Variants in FSTL5 observed in about 807,000 individuals in gnomAD.
FSTL5 encodes the protein follistatin like 5, also known as follistatin-related protein 5.
In FSTL5, 62 loss-of-function variants were observed where a neutral mutation model predicts 89.1. The observed-to-expected ratio is 0.70, with a 90% CI of 0.57 to 0.86. The LOEUF (loss-of-function observed/expected upper bound fraction) is 0.86. FSTL5 is among the 40% of genes least tolerant of loss of function. FSTL5 has a pLI of 0.00. For missense variants in FSTL5, 1,057 were observed against 1,001.6 expected (o/e 1.06, Z -0.75); for synonymous variants, 383 against 346.2 (o/e 1.11, Z -1.18).
intron 1 of FSTL5, among the ~76,000 whole-genome samples, chr4:162,142,675 T>G (rs374878922): frequency 6.6e-6 from 1 of 152,250 alleles, no homozygotes; most frequent in East Asian, 1.9e-4. Context: ...GCAATGCCTT[T>G]GAGTAGCTAA....
chr4:161,561,920 T>G (rs778699246), intron 8 of FSTL5, among the ~76,000 whole-genome samples: 38 of 152,012 alleles, frequency 2.5e-4, no homozygotes, highest in Non-Finnish European at 1.9e-4. Context: ...AAGGCACGTG[T>G]TGTAGGTGTG....
chr4:161,446,047 C>G (rs895596297), intron 15 of FSTL5, among the ~76,000 whole-genome samples: 2 of 151,902 alleles, frequency 1.3e-5, no homozygotes, highest in Non-Finnish European at 2.9e-5. Flanking sequence ...TGGATAGCTA[C>G]AGTGAAGATA....
chr4:161,735,526 A>T (rs914544752), intron 6 of FSTL5, among the ~76,000 whole-genome samples: 2 of 152,194 alleles, frequency 1.3e-5, no homozygotes, highest in East Asian at 1.9e-4. Context: ...CCATGAGGTT[A>T]TCCTGTTTTC....
intron 15 of FSTL5, among the ~76,000 whole-genome samples, chr4:161,403,731 T>C (rs1731263512): frequency 6.6e-6 from 1 of 152,208 alleles, no homozygotes; most frequent in African/African-American, 2.4e-5. Flanking sequence ...AGCACATCAC[T>C]ACTCATTCCA....
intron 10 of FSTL5, among the ~76,000 whole-genome samples, chr4:161,527,069 C>CT (rs1319637843): frequency 4.6e-5 from 7 of 152,176 alleles, no homozygotes; most frequent in African/African-American, 1.7e-4. Context: ...TCTTCCTACC[C>CT]ATGAGCAAGG....
intron 3 of FSTL5, among the ~76,000 whole-genome samples, chr4:161,943,147 A>G (rs1734637456): frequency 6.6e-6 from 1 of 152,254 alleles, no homozygotes; most frequent in East Asian, 1.9e-4. Context: ...CTGTACATTG[A>G]AAATTATAAC....
intron 4 of FSTL5, among the ~76,000 whole-genome samples, chr4:161,899,166 T>C (rs1053496300): frequency 6.6e-6 from 1 of 152,150 alleles, no homozygotes; most frequent in Non-Finnish European, 1.5e-5. Context: ...CATGGGATTC[T>C]AATCAGAATT....
chr4:161,657,401 G>A (rs931035006), intron 6 of FSTL5, among the ~76,000 whole-genome samples: 9 of 152,130 alleles, frequency 5.9e-5, no homozygotes, highest in Non-Finnish European at 7.3e-5. Context: ...TCTTGACCAC[G>A]TTAGAAATAC....
intron 2 of FSTL5, among the ~76,000 whole-genome samples, chr4:162,066,847 G>T (rs1458445463): frequency 6.6e-6 from 1 of 151,988 alleles, no homozygotes; most frequent in Non-Finnish European, 1.5e-5. Flanking sequence ...GGGCATTTGG[G>T]TTGGTTCCAA....
At chr4:161,826,703 T>A (rs1730680213) in intron 4 of FSTL5, among the ~76,000 whole-genome samples, 1 of 152,220 alleles carries the variant, frequency 6.6e-6, no homozygotes, top group African/African-American at 2.4e-5. Context: ...GACATAAGAA[T>A]AGCAACTCCT....
chr4:161,542,144 A>T (rs1731839246), intron 9 of FSTL5, among the ~76,000 whole-genome samples: 1 of 152,026 alleles, frequency 6.6e-6, no homozygotes, highest in Admixed American at 6.6e-5. Flanking sequence ...CTGTATTGAA[A>T]TCTTCTATAA....
chr4:161,416,374 C>T (rs2110952834), intron 15 of FSTL5, among the ~76,000 whole-genome samples: 1 of 152,178 alleles, frequency 6.6e-6, no homozygotes, highest in Admixed American at 6.5e-5. Context: ...CTTTCACAAG[C>T]TTTTTCTGTT....
intron 6 of FSTL5, among the ~76,000 whole-genome samples, chr4:161,674,442 G>T (rs952825699): frequency 6.6e-6 from 1 of 152,098 alleles, no homozygotes; most frequent in Non-Finnish European, 1.5e-5. Context: ...CCTCATTGCT[G>T]CCCTGGTCTT....
Position 161,656,382 on chromosome 4 carries a change from A to G in FSTL5, c.840T>C (p.Ile280=). 6.2e-7 allele frequency: 1 copy of G among 1,606,474 alleles called. No homozygotes were observed. The highest frequency in any genetic ancestry group is 8.5e-7 in the Non-Finnish European group (1 of 1,173,926). Residue 280 remains isoleucine (I), a synonymous_variant, in exon 7 of 16, where the codon ATT becomes ATC. Transcript: ENST00000306100. ...GAATAATATTGTTCCTTTTCCAGAT[A>G]ATGGGAGGTCTCAGGGTTCCTTGAA... The part of the protein sequence containing the change: ...CAIQGTLRPP[I]IWKRNNIILN...
rs1171950770 is a variant in FSTL5, at chr4:161,872,141, G to GTTTTTTTTTTTT, written c.409+48251_409+48262dup. On this transcript the variant is annotated intron_variant, in intron 4 of 15. Coordinates refer to ENST00000306100, the MANE Select transcript of FSTL5 (RefSeq NM_020116.5). ...GCTTTGTAGTTTGTTTTTTTTTTTGGTTTTTTTTTTTTTTTTTGTAGAGAC... is the reference window on the plus strand; with the variant it reads ...GCTTTGTAGTTTGTTTTTTTTTTTGGTTTTTTTTTTTTTTTTTTTTTTTTTTTTTGTAGAGAC... 1.4e-4 allele frequency among the ~76,000 whole-genome samples: 11 copies of GTTTTTTTTTTTT among 79,558 alleles called. 2 individuals carry two copies. Among genetic ancestry groups the GTTTTTTTTTTTT allele is most frequent in the African/African-American group, 5.9e-4 (11 of 18,696 alleles). The allele number at this position is 79,558 out of a possible 152,430, so 52.2% of individuals were successfully genotyped here. A position where few individuals can be genotyped will look rare whatever the true frequency, so the allele number is the denominator to read the frequency against.
chr4:161,693,634 A>ATTT (rs1738029790), intron 6 of FSTL5, among the ~76,000 whole-genome samples: 2 of 71,452 alleles, frequency 2.8e-5, no homozygotes, highest in South Asian at 4.3e-4. Flanking sequence ...TTTCTTGTAA[A>ATTT]TCTTTTTTTT....
chr4:161,461,524 G>A (rs1264992795), intron 13 of FSTL5, among the ~76,000 whole-genome samples: 1 of 133,524 alleles, frequency 7.5e-6, no homozygotes, highest in Admixed American at 7.5e-5. Flanking sequence ...GTGCAGAGGA[G>A]AAAAATAAAA....
intron 15 of FSTL5, among the ~76,000 whole-genome samples, chr4:161,427,230 C>A (rs896818969): frequency 2.6e-5 from 4 of 152,180 alleles, no homozygotes; most frequent in Non-Finnish European, 5.9e-5. Flanking sequence ...TGAATGTTAA[C>A]TTCTGTAGCA....
intron 4 of FSTL5, among the ~76,000 whole-genome samples, chr4:161,910,116 C>T (rs751646090): frequency 6.6e-6 from 1 of 152,030 alleles, no homozygotes; most frequent in Admixed American, 6.6e-5. Context: ...ATTTCAGCAG[C>T]GATTAATTCA....
Sources: gnomAD v4.1 joint callset for allele counts (sites outside exome capture counted in the v4.1 genomes callset) on GRCh38, gnomAD v4.1.1 for gene constraint, MANE v1.5 for transcripts, NCBI Gene and HGNC (gene_info 2026-07-23, HGNC 2026-07-21) for gene names.